IRS2: variants seen among roughly 807,000 people sequenced by gnomAD.
The protein encoded by IRS2 is insulin receptor substrate 2.
Under a neutral mutation model 70.9 loss-of-function variants are expected in IRS2, and 28 were observed. The ratio of observed to expected loss-of-function variants is 0.39; its 90% confidence interval spans 0.29 to 0.54. The LOEUF (loss-of-function observed/expected upper bound fraction) is 0.54. Among genes scored for constraint, IRS2 ranks in the 20% least tolerant of loss-of-function variants. The pLI, the probability that IRS2 is intolerant of heterozygous loss-of-function variation, is 0.59. For missense variants in IRS2, 2,081 were observed against 2,024.1 expected (o/e 1.03, Z -0.54); for synonymous variants, 1,217 against 981.9 (o/e 1.24, Z -4.48).
At position 109,755,766 on chromosome 13, in the gene IRS2, C is replaced by T. The variant is rs1194265406; in HGVS notation, c.*538G>A. 9.5e-6 allele frequency: 2 copies of T among 210,102 alleles called. No individual in the cohort carries two copies. The highest frequency in any genetic ancestry group is 1.9e-5 in the Non-Finnish European group (2 of 102,860). 13.0% of individuals were successfully genotyped at this position (210,102 alleles called of 1,614,324 possible). A position where few individuals can be genotyped will look rare whatever the true frequency, so the allele number is the denominator to read the frequency against. ...CATTTCAATAAGGCCGAGGACCGCG[C>T]TCCAGACACACAGCGCAGGGGCTAC... On this transcript the variant is annotated 3_prime_UTR_variant, in exon 2 of 2. Coordinates refer to ENST00000375856, the MANE Select transcript of IRS2 (RefSeq NM_003749.3).
In IRS2 at chr13:109,754,025, A is replaced by G. The variant is rs1027934396; in HGVS notation, c.*2279T>C. The G allele has an allele frequency of 3.5e-5, 8 of 231,236 alleles. No homozygotes were observed. The highest frequency in any genetic ancestry group is 6.9e-5 in the Non-Finnish European group (8 of 116,666). The allele number at this position is 231,236 out of a possible 1,614,324, so 14.3% of individuals were successfully genotyped here. Reference sequence around the variant, plus strand: ...AGCAAGATAAGTTAAGTCTCTTGTCATATCACAATAGCAAGAAATATATTT... The same window carrying G: ...AGCAAGATAAGTTAAGTCTCTTGTCGTATCACAATAGCAAGAAATATATTT... On this transcript the variant is annotated 3_prime_UTR_variant, in exon 2 of 2. Transcript: ENST00000375856.
rs769413761 is a variant in IRS2 at position 109,783,603 on chromosome 13, G to A, written c.2451C>T (p.Gly817=). The part of the protein sequence containing the change: ...PRSYKAPYTC[G]GDSDQYVLMS... ...TGAGCACGTACTGGTCGCTGTCCCC[G>A]CCACAGGTGTAGGGGGCCTTGTAGG... The change falls in exon 1 of 2, where the codon GGC becomes GGT. Residue 817 remains glycine (G), a synonymous_variant. Coordinates refer to ENST00000375856, the MANE Select transcript of IRS2 (RefSeq NM_003749.3). 7 of 1,547,936 alleles carry A rather than the reference G, an allele frequency of 4.5e-6. No homozygotes were observed. Among genetic ancestry groups the A allele is most frequent in the Non-Finnish European group, 5.2e-6 (6 of 1,144,584 alleles).
At position 109,756,129 on chromosome 13, in the gene IRS2, TGAC is replaced by T. The variant is rs1877102566; in HGVS notation, c.*172_*174del. 1 of 610,196 alleles carries T rather than the reference TGAC, an allele frequency of 1.6e-6. No individual in the cohort carries two copies. The highest frequency in any genetic ancestry group is 1.8e-5 in the African/African-American group (1 of 54,806). The allele number at this position is 610,196 out of a possible 1,614,324, so 37.8% of individuals were successfully genotyped here. A position where few individuals can be genotyped will look rare whatever the true frequency, so the allele number is the denominator to read the frequency against. Reference sequence around the variant, plus strand: ...TCCGGGAACAAGGGAAAGAGGCAGGTGACCTTGCCTTGTTGGTGCCTCATCTAA... The same window carrying T: ...TCCGGGAACAAGGGAAAGAGGCAGGTCTTGCCTTGTTGGTGCCTCATCTAA... On this transcript the variant is annotated 3_prime_UTR_variant, in exon 2 of 2. Coordinates refer to ENST00000375856, the MANE Select transcript of IRS2 (RefSeq NM_003749.3).
chr13:109,762,234 C>T (rs1052194464), intron 1 of IRS2, among the ~76,000 whole-genome samples: 7 of 152,252 alleles, frequency 4.6e-5, no homozygotes, highest in Admixed American at 4.6e-4. Flanking sequence ...ACTGCCCCTG[C>T]AGCAGCCGCC....
At chr13:109,768,505 A>AT (rs1229517724) in intron 1 of IRS2, among the ~76,000 whole-genome samples, 1 of 152,236 alleles carries the variant, frequency 6.6e-6, no homozygotes, top group Non-Finnish European at 1.5e-5. Context: ...AACAAATGGA[A>AT]TAATACATTG....
rs1877054531 is a variant in IRS2 at position 109,754,204 on chromosome 13, A to C, written c.*2100T>G. ...ACATTGTGAAGTTTTAGCAAACATAACATTTATACATTTTGGTTCCATTCT... is the reference window on the plus strand; with the variant it reads ...ACATTGTGAAGTTTTAGCAAACATACCATTTATACATTTTGGTTCCATTCT... On this transcript the variant is annotated 3_prime_UTR_variant, in exon 2 of 2. Transcript: ENST00000375856. 4.3e-6 allele frequency: 1 copy of C among 231,912 alleles called. No individual in the cohort carries two copies. Among genetic ancestry groups the C allele is most frequent in the South Asian group, 1.8e-4 (1 of 5,522 alleles). 14.4% of individuals were successfully genotyped at this position (231,912 alleles called of 1,614,324 possible). A position where few individuals can be genotyped will look rare whatever the true frequency, so the allele number is the denominator to read the frequency against.
rs1877886256 is a variant in IRS2 at position 109,785,382 on chromosome 13, G to A, written c.672C>T (p.Arg224=). 6.2e-6 allele frequency: 10 copies of A among 1,612,524 alleles called. No homozygotes were observed. The highest frequency in any genetic ancestry group is 7.6e-6 in the Non-Finnish European group (9 of 1,179,898). Residue 224 remains arginine (R), a synonymous_variant, in exon 1 of 2, where the codon CGC becomes CGT. Transcript: ENST00000375856. This position sits in a 1 kb window ranked among gnomAD's most constrained non-coding sequence, Gnocchi z 9.3. The part of the protein sequence containing the change: ...TGVYRLCLSA[R]TIGFVKLNCE... ...AGTTGAGCTTCACGAAGCCGATGGT[G>A]CGCGCAGACAGGCACAGACGGTACA...
chr13:109,759,135 A>G (rs958283354), intron 1 of IRS2, among the ~76,000 whole-genome samples: 2 of 152,318 alleles, frequency 1.3e-5, no homozygotes. Context: ...CACCAGAGCA[A>G]GCACAACGTG....
chr13:109,783,205 G>T lies in IRS2; in HGVS notation c.2849C>A (p.Ser950Tyr). The T allele has an allele frequency of 1.4e-6, 2 of 1,414,392 alleles. No homozygotes were observed. Among genetic ancestry groups the T allele is most frequent in the Non-Finnish European group, 1.8e-6 (2 of 1,087,972 alleles). The allele number at this position is 1,414,392 out of a possible 1,614,324, so 87.6% of individuals were successfully genotyped here. A position where few individuals can be genotyped will look rare whatever the true frequency, so the allele number is the denominator to read the frequency against. ...CAGCGACGAGGCCGGGCTGCTGGCG[G>T]ACAAGAGCGAGGAGGACGAGGCCGC... ...ASAASSSSLL[S>Y]ASSPASSLGS... Residue 950 changes from serine to tyrosine, a missense_variant, in exon 1 of 2, where the codon TCC (serine) becomes TAC (tyrosine). Ser to Tyr is a moderately radical substitution (Grantham distance 144). This residue lies in a region of IRS2 where 1,615 missense variants were observed against 1,459.5 expected (regional missense o/e 1.11). Transcript: ENST00000375856.
chr13:109,785,946 G>A lies in IRS2; in HGVS notation c.108C>T (p.Tyr36=), dbSNP rs754800286. ...NNNHSVRKCG[Y]LRKQKHGHKR... ...TGTGGCCATGCTTCTGCTTGCGCAGGTAGCCGCACTTGCGCACGCTGTGGT... is the reference window on the plus strand; with the variant it reads ...TGTGGCCATGCTTCTGCTTGCGCAGATAGCCGCACTTGCGCACGCTGTGGT... The change falls in exon 1 of 2, where the codon TAC becomes TAT. Residue 36 remains tyrosine (Y), a synonymous_variant. Transcript: ENST00000375856. The surrounding 1 kb of genome is among the most constrained non-coding windows in gnomAD (Gnocchi z 9.3). The A allele has an allele frequency of 1.7e-5, 26 of 1,498,146 alleles. No individual in the cohort carries two copies. In the South Asian group the frequency reaches 2.5e-4, roughly 14 times the overall value. 92.8% of individuals were successfully genotyped at this position (1,498,146 alleles called of 1,614,324 possible).
intron 1 of IRS2, among the ~76,000 whole-genome samples, chr13:109,758,906 G>T (rs1877166510): frequency 6.6e-6 from 1 of 150,518 alleles, no homozygotes; most frequent in African/African-American, 2.5e-5. Flanking sequence ...AGAGGAAGGG[G>T]AAGGAAAGAA....
In IRS2 at chr13:109,785,383, C is replaced by T. The variant is rs1209394395; in HGVS notation, c.671G>A (p.Arg224His). Reference sequence around the variant, plus strand: ...GTTGAGCTTCACGAAGCCGATGGTGCGCGCAGACAGGCACAGACGGTACAC... The same window carrying T: ...GTTGAGCTTCACGAAGCCGATGGTGTGCGCAGACAGGCACAGACGGTACAC... ...TGVYRLCLSARTIGFVKLNCE... is the reference protein window; with the variant it reads ...TGVYRLCLSAHTIGFVKLNCE... The change falls in exon 1 of 2, where the codon CGC (arginine) becomes CAC (histidine). Residue 224 changes from arginine to histidine, a missense_variant. By Grantham distance (29) the Arg-to-His change is conservative. Coordinates refer to ENST00000375856, the MANE Select transcript of IRS2 (RefSeq NM_003749.3). The surrounding 1 kb of genome is among the most constrained non-coding windows in gnomAD (Gnocchi z 9.3). 6.2e-7 allele frequency: 1 copy of T among 1,612,442 alleles called. No individual in the cohort carries two copies. The highest frequency in any genetic ancestry group is 1.1e-5 in the South Asian group (1 of 91,052).
rs1360919811 is a variant in IRS2, at chr13:109,785,348, G to A, written c.706C>T (p.Pro236Ser). The change falls in exon 1 of 2, where the codon CCG becomes TCG. Residue 236 changes from proline to serine, a missense_variant. This residue lies in a region of IRS2 where 35 missense variants were observed against 78.6 expected (regional missense o/e 0.45). Coordinates refer to ENST00000375856, the MANE Select transcript of IRS2 (RefSeq NM_003749.3). The surrounding 1 kb of genome is among the most constrained non-coding windows in gnomAD (Gnocchi z 9.3). ...IGFVKLNCEQ[P>S]SVTLQLMNIR... ...TTCATGAGCTGCAGCGTCACCGACG[G>A]CTGCTCGCAGTTGAGCTTCACGAAG... The A allele has an allele frequency of 6.2e-7, 1 of 1,611,814 alleles. No individual in the cohort carries two copies. Among genetic ancestry groups the A allele is most frequent in the South Asian group, 1.1e-5 (1 of 90,956 alleles).
In IRS2 at chr13:109,782,910, C is replaced by G. The variant is rs774725019; in HGVS notation, c.3144G>C (p.Ser1048=). 3 of 1,545,756 alleles carry G rather than the reference C, an allele frequency of 1.9e-6. No individual in the cohort carries two copies. The highest frequency in any genetic ancestry group is 2.8e-5 in the African/African-American group (2 of 72,100). Residue 1048 remains serine (S), a synonymous_variant, in exon 1 of 2, where the codon TCG becomes TCC. Transcript: ENST00000375856. The stretch of plus-strand genomic sequence containing the variant: ...CCGGGCCCTGGGCGGTGGCAACGGC[C>G]GAGGCGGGGGGCAGGCGGTACAGCT... ...PGELYRLPPA[S]AVATAQGPGA... is the part of the protein sequence containing the mutation.
At position 109,784,840 on chromosome 13, in the gene IRS2, A is replaced by AGGGTGT. The variant is rs1877865168; in HGVS notation, c.1208_1213dup (p.His403_Thr404dup). 1 of 1,239,286 alleles carries AGGGTGT rather than the reference A, an allele frequency of 8.1e-7. No homozygotes were observed. Among genetic ancestry groups the AGGGTGT allele is most frequent in the Non-Finnish European group, 1.0e-6 (1 of 980,914 alleles). The allele number at this position is 1,239,286 out of a possible 1,614,324, so 76.8% of individuals were successfully genotyped here. On this transcript the variant is annotated inframe_insertion, in exon 1 of 2. Coordinates refer to ENST00000375856, the MANE Select transcript of IRS2 (RefSeq NM_003749.3). This position sits in a 1 kb window ranked among gnomAD's most constrained non-coding sequence, Gnocchi z 5.2. ...CCCGCGGCCGCCGCAGCCGCCGCTC[A>AGGGTGT]GGGTGTGCGAGCGGCTCAGGGGCGC...
At chr13:109,761,984 T>A (rs1877236697) in intron 1 of IRS2, among the ~76,000 whole-genome samples, 5 of 152,232 alleles carry the variant, frequency 3.3e-5, no homozygotes, top group African/African-American at 9.6e-5. Context: ...ATCCTGCACA[T>A]AAGACCTGGT....
In IRS2 at chr13:109,784,832, C is replaced by T. The variant is rs1362339088; in HGVS notation, c.1222G>A (p.Gly408Ser). ...PLSRSHTLSG[G>S]CGGRGSKVAL... ...ACCTTGCTCCCGCGGCCGCCGCAGC[C>T]GCCGCTCAGGGTGTGCGAGCGGCTC... The change falls in exon 1 of 2, where the codon GGC becomes AGC. Residue 408 changes from glycine to serine, a missense_variant. By Grantham distance (56) the Gly-to-Ser change is moderately conservative. Transcript: ENST00000375856. The surrounding 1 kb of genome is among the most constrained non-coding windows in gnomAD (Gnocchi z 5.2). 4 of 1,253,734 alleles carry T rather than the reference C, an allele frequency of 3.2e-6. No homozygotes were observed. Among genetic ancestry groups the T allele is most frequent in the South Asian group, 2.2e-5 (1 of 45,790 alleles). The allele number at this position is 1,253,734 out of a possible 1,614,324, so 77.7% of individuals were successfully genotyped here.
At position 109,782,808 on chromosome 13, in the gene IRS2, G is replaced by C. The variant is rs748277139; in HGVS notation, c.3246C>G (p.Thr1082=). ...GGGGGGCCGCGATAGGTTGCGGCGG[G>C]GTGGCGGCCACACCAAAAGCCATCT... ...YTEMAFGVAA[T]PPQPIAAPPK... is the part of the protein sequence containing the mutation. The change falls in exon 1 of 2, where the codon ACC becomes ACG. Residue 1082 remains threonine, a synonymous_variant. Transcript: ENST00000375856. 3.2e-5 allele frequency: 51 copies of C among 1,596,876 alleles called. No homozygotes were observed. Among genetic ancestry groups the C allele is most frequent in the Non-Finnish European group, 3.8e-5 (45 of 1,173,038 alleles).
chr13:109,781,967 C>A lies in IRS2; in HGVS notation c.4012+75G>T, dbSNP rs754391533. 5 of 1,524,408 alleles carry A rather than the reference C, an allele frequency of 3.3e-6. No homozygotes were observed. In the Admixed American group the frequency reaches 9.5e-5, roughly 29 times the overall value. 94.4% of individuals were successfully genotyped at this position (1,524,408 alleles called of 1,614,324 possible). Reference sequence around the variant, plus strand: ...GGTCAAGGTCCCCAAAAAGTGGGAGCAGTGAAACCCAAGAGGCTCCCTCAG... The same window carrying A: ...GGTCAAGGTCCCCAAAAAGTGGGAGAAGTGAAACCCAAGAGGCTCCCTCAG... On this transcript the variant is annotated intron_variant, in intron 1 of 1. Transcript: ENST00000375856.
Sources: allele counts gnomAD v4.1 joint callset (sites outside exome capture counted in the v4.1 genomes callset), GRCh38; gene constraint gnomAD v4.1.1; regional missense constraint gnomAD v4.1.1; non-coding constraint Gnocchi (gnomAD v3.1); transcripts MANE v1.5; gene names NCBI Gene and HGNC (gene_info 2026-07-23, HGNC 2026-07-21).